Variants in LRP1B observed in about 807,000 individuals in gnomAD.
LRP1B encodes low-density lipoprotein receptor-related protein 1B.
A neutral mutation model predicts 556.6 loss-of-function variants in LRP1B; 217 were observed. The observed-to-expected ratio is 0.39, with a 90% confidence interval of 0.35 to 0.44. LRP1B has a LOEUF of 0.44. Among genes scored for constraint, LRP1B ranks in the 20% least tolerant of loss-of-function variants. LRP1B has a pLI of 1.00. For missense variants in LRP1B, 5,053 were observed against 5,620.8 expected (o/e 0.90, Z 3.23); for synonymous variants, 2,047 against 1,865.8 (o/e 1.10, Z -2.50).
At chr2:141,394,287 T>C (rs1046248306) in intron 3 of LRP1B, among the ~76,000 whole-genome samples, 1 of 152,160 alleles carries the variant, frequency 6.6e-6, no homozygotes, top group Non-Finnish European at 1.5e-5. Flanking sequence ...AGGACTTTTC[T>C]GGTAAAATAA....
intron 21 of LRP1B, among the ~76,000 whole-genome samples, chr2:140,922,598 G>T (rs941159517): frequency 6.6e-6 from 1 of 151,980 alleles, no homozygotes; most frequent in Admixed American, 6.6e-5. Context: ...TATCTCTCTC[G>T]ATTCTGAATT....
rs1049624820 is a variant in LRP1B at position 140,642,698 on chromosome 2, G to T, written c.6800-41059C>A. Reference sequence around the variant, plus strand: ...CTACTAAAAAATACAAAAAAAATTAGCTGGGCATGGTGGCGGGCGCCTGTA... The same window carrying T: ...CTACTAAAAAATACAAAAAAAATTATCTGGGCATGGTGGCGGGCGCCTGTA... On this transcript the variant is annotated intron_variant, in intron 41 of 90. Coordinates refer to ENST00000389484, the MANE Select transcript of LRP1B (RefSeq NM_018557.3). Among the ~76,000 whole-genome samples the T allele has an allele frequency of 1.4e-4, 22 of 152,180 alleles. No individual in the cohort carries two copies. In the South Asian group the frequency reaches 1.7e-3, roughly 11 times the overall value.
In LRP1B at chr2:140,351,003, T is replaced by C. The variant is rs1265778664; in HGVS notation, c.11686A>G (p.Thr3896Ala). 1.2e-6 allele frequency: 2 copies of C among 1,600,324 alleles called. No individual in the cohort carries two copies. Among genetic ancestry groups the C allele is most frequent in the Non-Finnish European group, 1.7e-6 (2 of 1,168,792 alleles). The change falls in exon 77 of 91, where the codon ACT becomes GCT. Residue 3896 changes from threonine (T) to alanine (A), a missense_variant. By Grantham distance (58) the Thr-to-Ala change is moderately conservative. Coordinates refer to ENST00000389484, the MANE Select transcript of LRP1B (RefSeq NM_018557.3). Reference protein sequence around the residue: ...EDQVLYIANDTDILGFIYPFN... With the variant: ...EDQVLYIANDADILGFIYPFN... ...GGATATATAAAACCCAGGATATCAGTGTCATTAGCAATGTAGAGAACTTGA... is the reference window on the plus strand; with the variant it reads ...GGATATATAAAACCCAGGATATCAGCGTCATTAGCAATGTAGAGAACTTGA...
intron 2 of LRP1B, among the ~76,000 whole-genome samples, chr2:141,537,163 A>T (rs1261962353): frequency 6.6e-6 from 1 of 152,100 alleles, no homozygotes. Context: ...TTCTTTGAGT[A>T]CAGCATGGAT....
chr2:140,936,354 A>G (rs1695207273), intron 20 of LRP1B, among the ~76,000 whole-genome samples: 1 of 138,646 alleles, frequency 7.2e-6, no homozygotes, highest in African/African-American at 2.8e-5. Flanking sequence ...AAAAAAAAAA[A>G]AAAAAAAAGA....
At chr2:141,106,637 A>G (rs1199238745) in intron 7 of LRP1B, among the ~76,000 whole-genome samples, 1 of 152,146 alleles carries the variant, frequency 6.6e-6, no homozygotes, top group Non-Finnish European at 1.5e-5. Context: ...GTTTATCATG[A>G]CCTGTGCAGC....
chr2:141,015,109 T>C (rs1283731086), intron 13 of LRP1B, among the ~76,000 whole-genome samples: 1 of 152,120 alleles, frequency 6.6e-6, no homozygotes, highest in South Asian at 2.1e-4. Context: ...ATAGAGGTTT[T>C]GTTTTGTCAA....
At chr2:140,747,316 A>AACT (rs1688350324) in intron 35 of LRP1B, among the ~76,000 whole-genome samples, 1 of 152,204 alleles carries the variant, frequency 6.6e-6, no homozygotes, top group Admixed American at 6.6e-5. Context: ...GGTCTGGAAC[A>AACT]GTTAGGATTC....
Position 140,730,068 on chromosome 2 carries a change from C to T in LRP1B, c.5759-13252G>A, listed in dbSNP as rs753944087. 7.7e-4 allele frequency among the ~76,000 whole-genome samples: 117 copies of T among 152,160 alleles called. 1 individual carries two copies. The highest frequency in any genetic ancestry group is 6.9e-3 in the Admixed American group (106 of 15,282). ...GTCCGTATTCACCTAACAACCACAT[C>T]CAATCAATCAGCAAGTCCTATGTGT... On this transcript the variant is annotated intron_variant, in intron 35 of 90. Coordinates refer to ENST00000389484, the MANE Select transcript of LRP1B (RefSeq NM_018557.3).
chr2:140,995,665 G>T (rs898829798), intron 15 of LRP1B, among the ~76,000 whole-genome samples: 6 of 151,974 alleles, frequency 3.9e-5, no homozygotes, highest in Non-Finnish European at 7.4e-5. Context: ...ACACAGCTTT[G>T]ATGGCTATAA....
chr2:140,472,749 G>A (rs923177417), intron 60 of LRP1B, among the ~76,000 whole-genome samples: 2 of 151,880 alleles, frequency 1.3e-5, no homozygotes, highest in East Asian at 3.9e-4. Context: ...ATATCTTTGG[G>A]GAAAGAATAC....
chr2:140,498,017 A>C, intron 55 of LRP1B, among the ~76,000 whole-genome samples: 1 of 152,020 alleles, frequency 6.6e-6, no homozygotes, highest in Admixed American at 6.6e-5. Context: ...GGTCTCAAAT[A>C]ATAAAAAGAC....
intron 3 of LRP1B, among the ~76,000 whole-genome samples, chr2:141,363,849 T>G (rs1688923131): frequency 1.3e-5 from 2 of 152,170 alleles, no homozygotes; most frequent in South Asian, 4.1e-4. Context: ...GCATAAATTC[T>G]TTTCAAATTG....
chr2:141,550,123 C>T (rs2105228119), intron 2 of LRP1B, among the ~76,000 whole-genome samples: 1 of 152,318 alleles, frequency 6.6e-6, no homozygotes, highest in Admixed American at 6.5e-5. Context: ...TGAAACTTCT[C>T]ATTCATCCCT....
intron 11 of LRP1B, among the ~76,000 whole-genome samples, chr2:141,035,858 A>T (rs1698518759): frequency 1.3e-5 from 2 of 152,154 alleles, no homozygotes; most frequent in South Asian, 4.1e-4. Context: ...ATCACAAGGG[A>T]TTCACATATA....
chr2:140,697,684 G>T (rs1397900438), intron 41 of LRP1B, among the ~76,000 whole-genome samples: 1 of 151,990 alleles, frequency 6.6e-6, no homozygotes, highest in Non-Finnish European at 1.5e-5. Flanking sequence ...CAAGCCAGGC[G>T]CAAAGGACAA....
In LRP1B at chr2:141,221,959, C is replaced by T. The variant is rs575180040; in HGVS notation, c.850+7224G>A. Among the ~76,000 whole-genome samples, 3 of 152,210 alleles carry T rather than the reference C, an allele frequency of 2.0e-5. No individual in the cohort carries two copies. In the South Asian group the frequency reaches 6.2e-4, roughly 32 times the overall value. On this transcript the variant is annotated intron_variant, in intron 6 of 90. Transcript: ENST00000389484. Reference sequence around the variant, plus strand: ...AGAGGGAAATTTATAGCACTAAGTGCCCACATCAAAAAGCTAGAAAGATCT... The same window carrying T: ...AGAGGGAAATTTATAGCACTAAGTGTCCACATCAAAAAGCTAGAAAGATCT...
chr2:141,329,660 A>AACAAAACAAAAC (rs1687568896), intron 3 of LRP1B, among the ~76,000 whole-genome samples: 3 of 149,428 alleles, frequency 2.0e-5, no homozygotes, highest in Admixed American at 6.7e-5. Context: ...AAAAAAAAAA[A>AACAAAACAAAAC]AAAAACTATC....
intron 3 of LRP1B, among the ~76,000 whole-genome samples, chr2:141,456,975 C>T (rs1394391455): frequency 6.6e-6 from 1 of 152,170 alleles, no homozygotes; most frequent in Admixed American, 6.5e-5. Flanking sequence ...ATTCAATTTG[C>T]ACTTTATTAG....
Sources: allele counts gnomAD v4.1 joint callset (sites outside exome capture counted in the v4.1 genomes callset), GRCh38; gene constraint gnomAD v4.1.1; transcripts MANE v1.5; gene names NCBI Gene and HGNC (gene_info 2026-07-23, HGNC 2026-07-21).